The following PACRG variants were observed in gnomAD, a reference collection of about 807,000 sequenced individuals.
PACRG encodes the protein parkin coregulated gene protein.
A neutral mutation model predicts 29.7 loss-of-function variants in PACRG; 29 were observed. The observed-to-expected ratio is 0.98, with a 90% confidence interval of 0.73 to 1.33. The LOEUF is 1.33. Among genes scored for constraint, PACRG ranks in the 40% most tolerant of loss-of-function variants. The pLI, the probability that PACRG is intolerant of heterozygous loss-of-function variation, is 0.00. For missense variants in PACRG, 279 were observed against 316.2 expected, an observed-to-expected ratio of 0.88 and a Z score of 0.89; for synonymous variants, 116 against 118.7, an observed-to-expected ratio of 0.98 and a Z score of 0.15.
At chr6:162,892,376 A>G (rs1390884282) in intron 2 of PACRG, among the ~76,000 whole-genome samples, 1 of 152,204 alleles carries the variant, frequency 6.6e-6, no homozygotes, top group East Asian at 1.9e-4. Flanking sequence ...CACTGAATGT[A>G]GCTGTTCCAG....
chr6:163,082,893 G>C (rs557565104), intron 3 of PACRG, among the ~76,000 whole-genome samples: 1 of 152,198 alleles, frequency 6.6e-6, no homozygotes, highest in South Asian at 2.1e-4. Flanking sequence ...TTCCTACAAT[G>C]CTTTGTGCAC....
intron 1 of PACRG, among the ~76,000 whole-genome samples, chr6:162,806,804 A>G (rs960410392): frequency 3.9e-5 from 6 of 152,170 alleles, no homozygotes; most frequent in African/African-American, 1.2e-4. Context: ...GTTAGCCCCT[A>G]ACAAGAGAGT....
chr6:163,028,144 GTTTTATAAACAGCTA>G (rs977456049), intron 2 of PACRG, among the ~76,000 whole-genome samples: 13 of 152,286 alleles, frequency 8.5e-5, no homozygotes, highest in African/African-American at 3.1e-4. Context: ...ATGGAAGTAA[GTTTTATAAACAGCTA>G]TCTAGTCTCT....
chr6:163,282,875 A>G (rs1784265842), intron 4 of PACRG, among the ~76,000 whole-genome samples: 1 of 152,250 alleles, frequency 6.6e-6, no homozygotes, highest in Admixed American at 6.5e-5. Flanking sequence ...CAAATTGCTC[A>G]ATCATCAAGC....
chr6:163,019,212 A>G (rs1806376961), intron 2 of PACRG, among the ~76,000 whole-genome samples: 1 of 152,126 alleles, frequency 6.6e-6, no homozygotes, highest in African/African-American at 2.4e-5. Flanking sequence ...TTTGTAAGGG[A>G]TTTGACAACA....
chr6:163,298,423 C>T (rs970755271), intron 4 of PACRG, among the ~76,000 whole-genome samples: 1 of 152,218 alleles, frequency 6.6e-6, no homozygotes, highest in African/African-American at 2.4e-5. Flanking sequence ...AGCAGGCACC[C>T]GTATGTGTTG....
At chr6:162,964,699 G>A (rs1419727232) in intron 2 of PACRG, among the ~76,000 whole-genome samples, 4 of 152,186 alleles carry the variant, frequency 2.6e-5, no homozygotes, top group African/African-American at 2.4e-5. Context: ...GCCTTATGCA[G>A]GAAAGTAACC....
At chr6:163,296,168 G>C (rs1469205973) in intron 4 of PACRG, among the ~76,000 whole-genome samples, 2 of 152,158 alleles carry the variant, frequency 1.3e-5, no homozygotes, top group Non-Finnish European at 2.9e-5. Context: ...ATCTTATAGT[G>C]GTCAGGTTTT....
At chr6:162,730,162 A>C (rs1173526631) in intron 1 of PACRG, among the ~76,000 whole-genome samples, 1 of 152,074 alleles carries the variant, frequency 6.6e-6, no homozygotes, top group Non-Finnish European at 1.5e-5. Flanking sequence ...GAGGAAAACC[A>C]AAATAACAAC....
At chr6:163,069,800 A>G (rs999216520) in intron 3 of PACRG, among the ~76,000 whole-genome samples, 1 of 152,146 alleles carries the variant, frequency 6.6e-6, no homozygotes, top group African/African-American at 2.4e-5. Context: ...ATTAATATCT[A>G]AGTACAAGAT....
At chr6:162,870,235 C>A (rs1469783417) in intron 2 of PACRG, among the ~76,000 whole-genome samples, 1 of 152,188 alleles carries the variant, frequency 6.6e-6, no homozygotes, top group African/African-American at 2.4e-5. Flanking sequence ...TAGCACACTG[C>A]TTAATGATTA....
intron 2 of PACRG, among the ~76,000 whole-genome samples, chr6:162,995,498 G>A (rs1043906619): frequency 3.9e-5 from 6 of 152,164 alleles, no homozygotes; most frequent in African/African-American, 9.7e-5. Flanking sequence ...GGAGTGACCC[G>A]ATTTTCCAGG....
chr6:162,921,478 T>A (rs1427853190), intron 2 of PACRG, among the ~76,000 whole-genome samples: 1 of 152,188 alleles, frequency 6.6e-6, no homozygotes, highest in Non-Finnish European at 1.5e-5. Flanking sequence ...GGGGGTGTTT[T>A]GCTTCCTCTT....
chr6:163,075,436 T>C (rs1433806856), intron 3 of PACRG, among the ~76,000 whole-genome samples: 1 of 152,158 alleles, frequency 6.6e-6, no homozygotes, highest in Admixed American at 6.5e-5. Flanking sequence ...CCAATATTCA[T>C]GGATATTATA....
intron 4 of PACRG, chr6:163,190,808 C>A: frequency 2.7e-6 from 1 of 366,790 alleles, no homozygotes; most frequent in Non-Finnish European, 5.5e-6. Context: ...AAGATAAAGT[C>A]AGAAACAACT....
chr6:163,027,144 T>C (rs1291008964), intron 2 of PACRG, among the ~76,000 whole-genome samples: 4 of 152,182 alleles, frequency 2.6e-5, no homozygotes, highest in Non-Finnish European at 5.9e-5. Flanking sequence ...CACATAATTA[T>C]AGGATGAGAA....
In PACRG at chr6:163,270,008, G is replaced by GA. The variant is rs1562350633; in HGVS notation, c.614-44818dup. Among the ~76,000 whole-genome samples, 45 of 76,688 alleles carry GA rather than the reference G, an allele frequency of 5.9e-4. 10 individuals carry two copies. Among genetic ancestry groups the GA allele is most frequent in the African/African-American group, 2.4e-3 (42 of 17,272 alleles). 50.3% of individuals were successfully genotyped at this position (76,688 alleles called of 152,430 possible). A position where few individuals can be genotyped will look rare whatever the true frequency, so the allele number is the denominator to read the frequency against. ...GAAAGAAAGAAAGAAAGAAAGAAAG[G>GA]AGGGAGGGAGGGAGGGAGGAAGGAA... On this transcript the variant is annotated intron_variant, in intron 4 of 4. Transcript: ENST00000366888.
chr6:162,967,067 C>G (rs1350794344), intron 2 of PACRG, among the ~76,000 whole-genome samples: 1 of 151,672 alleles, frequency 6.6e-6, no homozygotes, highest in African/African-American at 2.4e-5. Context: ...TCCTTTTCCC[C>G]CTTATTACAC....
Position 162,859,111 on chromosome 6 carries a change from T to G in PACRG, c.291+44830T>G, listed in dbSNP as rs377236712. On this transcript the variant is annotated intron_variant, in intron 2 of 4. Coordinates refer to ENST00000366888, the MANE Select transcript of PACRG (RefSeq NM_001080379.2). ...AAGGCACAATGATGACATAGGAACT[T>G]ATGCCTCTCTATCATTTTTTTTTTC... Among the ~76,000 whole-genome samples, 224 of 152,272 alleles carry G rather than the reference T, an allele frequency of 1.5e-3. 2 individuals carry two copies. Among genetic ancestry groups the G allele is most frequent in the African/African-American group, 5.0e-3 (208 of 41,558 alleles).
Sources: gnomAD v4.1 joint callset for allele counts (sites outside exome capture counted in the v4.1 genomes callset) on GRCh38, gnomAD v4.1.1 for gene constraint, MANE v1.5 for transcripts, NCBI Gene and HGNC (gene_info 2026-07-23, HGNC 2026-07-21) for gene names.